GRIP1: variants seen among roughly 807,000 people sequenced by gnomAD.
GRIP1 encodes the protein glutamate receptor interacting protein 1.
GRIP1 carries 45 observed loss-of-function variants against 129.9 expected under a neutral mutation model. The ratio of observed to expected loss-of-function variants is 0.35; its 90% confidence interval spans 0.27 to 0.44. GRIP1 has a LOEUF of 0.44. GRIP1 is among the 20% of genes least tolerant of loss of function. The probability of loss-of-function intolerance (pLI) is 1.00; values close to 1 mark genes in which losing one functional copy is unlikely to be tolerated. For missense variants in GRIP1, 1,196 were observed against 1,396.8 expected (o/e 0.86, Z 2.29); for synonymous variants, 530 against 520.8 (o/e 1.02, Z -0.24).
intron 7 of GRIP1, among the ~76,000 whole-genome samples, chr12:66,465,827 T>C (rs1404290766): frequency 6.6e-6 from 1 of 151,360 alleles, no homozygotes; most frequent in African/African-American, 2.4e-5. Flanking sequence ...AATAGACGGA[T>C]GGATGAATGA....
intron 1 of GRIP1, among the ~76,000 whole-genome samples, chr12:66,934,576 C>T (rs576949017): frequency 6.6e-6 from 1 of 152,286 alleles, no homozygotes; most frequent in African/African-American, 2.4e-5. Flanking sequence ...GCTGAATAAA[C>T]ACTTGAATGA....
rs2042660032 is a variant in GRIP1, at chr12:67,008,524, T to C, written c.58+60526A>G. Among the ~76,000 whole-genome samples the C allele has an allele frequency of 7.2e-5, 11 of 152,296 alleles. No individual in the cohort carries two copies. The South Asian group carries it at 2.3e-3, about 32-fold the overall frequency. ...ACACATAAAATTAGAGATTATAAAA[T>C]AGCAGTTGGGCACAGTGGTTATGAG... On this transcript the variant is annotated intron_variant, in intron 1 of 1. Coordinates refer to the GRIP1 transcript ENST00000643019.
chr12:67,068,848 A>ACCCCCCCCCCCCCCCCCCCCCCCC (rs2043679653), intron 1 of GRIP1, among the ~76,000 whole-genome samples: 1 of 2,402 alleles, frequency 4.2e-4, no homozygotes, highest in Non-Finnish European at 8.3e-4. Flanking sequence ...CTGCCCTCTC[A>ACCCCCCCCCCCCCCCCCCCCCCCC]TCCCGCCCCC....
At chr12:66,812,604 G>A (rs951357449) in intron 1 of GRIP1, among the ~76,000 whole-genome samples, 10 of 152,198 alleles carry the variant, frequency 6.6e-5, no homozygotes, top group Admixed American at 2.0e-4. Context: ...CTTGATAGTA[G>A]CTTTAGTTAC....
At chr12:66,580,331 A>C (rs1400253756) in intron 2 of GRIP1, among the ~76,000 whole-genome samples, 4 of 150,976 alleles carry the variant, frequency 2.6e-5, no homozygotes, top group African/African-American at 9.7e-5. Context: ...CATCGAGACT[A>C]GGAAGAAACT....
chr12:66,983,535 ATAAAG>A (rs2042268498), intron 1 of GRIP1, among the ~76,000 whole-genome samples: 1 of 152,214 alleles, frequency 6.6e-6, no homozygotes, highest in African/African-American at 2.4e-5. Context: ...CTTCACTAAA[ATAAAG>A]TACTTTAGGT....
At chr12:66,797,077 T>C (rs1407447657) in intron 1 of GRIP1, among the ~76,000 whole-genome samples, 2 of 152,262 alleles carry the variant, frequency 1.3e-5, no homozygotes, top group South Asian at 2.1e-4. Context: ...TAATAGTTAG[T>C]GAGATAGTGG....
intron 1 of GRIP1, among the ~76,000 whole-genome samples, chr12:66,877,720 C>T (rs797012330): frequency 6.6e-6 from 1 of 152,088 alleles, no homozygotes; most frequent in Admixed American, 6.6e-5. Flanking sequence ...ATACACCCCA[C>T]ATATTCATTC....
chr12:66,533,840 TACACACACAC>T (rs10545416), intron 4 of GRIP1, among the ~76,000 whole-genome samples: 1 of 144,776 alleles, frequency 6.9e-6, no homozygotes, highest in Non-Finnish European at 1.5e-5. Context: ...TCTATCAGAT[TACACACACAC>T]ACACACACAC....
chr12:66,636,444 T>C (rs1480309869), intron 1 of GRIP1, among the ~76,000 whole-genome samples: 1 of 152,226 alleles, frequency 6.6e-6, no homozygotes. Context: ...CACAATGAGA[T>C]ATCATTTTAT....
chr12:66,795,156 A>T (rs981955468), intron 1 of GRIP1, among the ~76,000 whole-genome samples: 3 of 152,216 alleles, frequency 2.0e-5, no homozygotes, highest in African/African-American at 7.2e-5. Context: ...CAGTTTACAA[A>T]AACAAGTATT....
intron 19 of GRIP1, among the ~76,000 whole-genome samples, chr12:66,380,809 T>C (rs1449531715): frequency 6.6e-6 from 1 of 152,190 alleles, no homozygotes; most frequent in African/African-American, 2.4e-5. Context: ...TACGCCTTCA[T>C]CCACTACCTC....
chr12:66,843,640 C>G (rs541613696), intron 1 of GRIP1, among the ~76,000 whole-genome samples: 1 of 152,062 alleles, frequency 6.6e-6, no homozygotes, highest in East Asian at 1.9e-4. Flanking sequence ...AAGGAATGCC[C>G]AAATAAACCC....
At chr12:66,906,351 C>T (rs937793845) in intron 1 of GRIP1, among the ~76,000 whole-genome samples, 4 of 152,016 alleles carry the variant, frequency 2.6e-5, no homozygotes, top group Non-Finnish European at 5.9e-5. Flanking sequence ...GGAGAATCAC[C>T]TGAGCCCAGG....
intron 23 of GRIP1, among the ~76,000 whole-genome samples, chr12:66,369,764 GTCT>G (rs1362371101): frequency 6.6e-6 from 1 of 152,154 alleles, no homozygotes; most frequent in Non-Finnish European, 1.5e-5. Context: ...GGTGCCAGCC[GTCT>G]TCTTGGTACA....
At chr12:66,353,223 C>A (rs907596316) in intron 24 of GRIP1, among the ~76,000 whole-genome samples, 194 bp downstream of exon 24, 3 of 152,148 alleles carry the variant, frequency 2.0e-5, no homozygotes, top group African/African-American at 7.2e-5. Flanking sequence ...AACCACAGAA[C>A]TTTGGGGTCT....
chr12:66,987,881 C>A (rs188388655), intron 1 of GRIP1, among the ~76,000 whole-genome samples: 2 of 152,304 alleles, frequency 1.3e-5, no homozygotes, highest in Admixed American at 1.3e-4. Flanking sequence ...ACTACAAGAA[C>A]ACGTGCAAAA....
At chr12:66,711,141 G>C (rs2035699145) in intron 1 of GRIP1, among the ~76,000 whole-genome samples, 1 of 151,820 alleles carries the variant, frequency 6.6e-6, no homozygotes, top group South Asian at 2.1e-4. Context: ...TTTAGAGCTT[G>C]CTTGCTCAGA....
chr12:66,858,691 C>T (rs193122424), intron 1 of GRIP1, among the ~76,000 whole-genome samples: 148 of 152,026 alleles, frequency 9.7e-4, no homozygotes, highest in African/African-American at 3.4e-3. Context: ...TATCACCTCA[C>T]CTCTATCCTC....
Sources: gnomAD v4.1 joint callset for allele counts (sites outside exome capture counted in the v4.1 genomes callset) on GRCh38, gnomAD v4.1.1 for gene constraint, MANE v1.5 for transcripts, NCBI Gene and HGNC (gene_info 2026-07-23, HGNC 2026-07-21) for gene names.